The following PTPRD variants were observed in gnomAD, a reference collection of about 807,000 sequenced individuals.
PTPRD encodes the protein receptor-type tyrosine-protein phosphatase delta.
PTPRD carries 34 observed loss-of-function variants against 214.5 expected under a neutral mutation model. The observed-to-expected ratio is 0.16, with a 90% confidence interval of 0.12 to 0.21. The LOEUF is 0.21. Among genes scored for constraint, PTPRD ranks in the 10% least tolerant of loss-of-function variants. PTPRD has a pLI of 1.00. For missense variants in PTPRD, 2,545 were observed against 2,398.7 expected (o/e 1.06, Z -1.27); for synonymous variants, 1,128 against 845.7 (o/e 1.33, Z -5.79).
chr9:9,682,230 G>C (rs948191631), intron 7 of PTPRD, among the ~76,000 whole-genome samples: 3 of 151,706 alleles, frequency 2.0e-5, no homozygotes, highest in African/African-American at 7.3e-5. Context: ...AAAGAAGACA[G>C]GGACAGGAAT....
intron 5 of PTPRD, among the ~76,000 whole-genome samples, chr9:9,907,201 G>A (rs147998552): frequency 1.3e-5 from 2 of 151,598 alleles, no homozygotes; most frequent in African/African-American, 4.8e-5. Flanking sequence ...GTCTAATTAG[G>A]TCATGTGCAA....
chr9:10,545,441 C>T (rs887091922), intron 2 of PTPRD, among the ~76,000 whole-genome samples: 15 of 152,138 alleles, frequency 9.9e-5, no homozygotes, highest in African/African-American at 3.4e-4. Flanking sequence ...GGCCTTAATA[C>T]AATCTGGTTT....
chr9:9,245,540 G>A (rs1037869538), intron 9 of PTPRD, among the ~76,000 whole-genome samples: 34 of 151,556 alleles, frequency 2.2e-4, no homozygotes, highest in Non-Finnish European at 3.8e-4. Flanking sequence ...AACACTGCAT[G>A]TTCTCACTCA....
At chr9:10,483,324 A>C (rs2099112529) in intron 2 of PTPRD, among the ~76,000 whole-genome samples, 1 of 152,160 alleles carries the variant, frequency 6.6e-6, no homozygotes, top group African/African-American at 2.4e-5. Context: ...CTAACACCAT[A>C]AATTCTAAAT....
intron 32 of PTPRD, among the ~76,000 whole-genome samples, chr9:8,464,086 T>A (rs557184298): frequency 6.6e-6 from 1 of 152,036 alleles, no homozygotes; most frequent in East Asian, 1.9e-4. Flanking sequence ...AGACTCTTTA[T>A]CAGTTGTGAC....
chr9:9,260,848 A>G (rs1221392498), intron 9 of PTPRD, among the ~76,000 whole-genome samples: 1 of 151,900 alleles, frequency 6.6e-6, no homozygotes, highest in Admixed American at 6.6e-5. Flanking sequence ...CATGACAATC[A>G]TAAGTCTTTC....
chr9:8,319,766 C>T (rs1244733844), intron 45 of PTPRD, 65 bp downstream of exon 45: 2 of 1,592,574 alleles, frequency 1.3e-6, no homozygotes, highest in East Asian at 2.3e-5. Flanking sequence ...AGTATGGAGT[C>T]CGGGAGGTCC....
intron 14 of PTPRD, among the ~76,000 whole-genome samples, chr9:8,616,390 T>C (rs2154295621): frequency 6.6e-6 from 1 of 152,236 alleles, no homozygotes; most frequent in African/African-American, 2.4e-5. Context: ...TTGCACTAAA[T>C]ATTTAACACC....
chr9:9,926,060 G>A (rs148885763), intron 5 of PTPRD, among the ~76,000 whole-genome samples: 63 of 152,032 alleles, frequency 4.1e-4, no homozygotes, highest in Admixed American at 1.5e-3. Context: ...AGACTCCCAG[G>A]CTCAAGCGAT....
At chr9:9,891,232 G>A (rs1188169735) in intron 5 of PTPRD, among the ~76,000 whole-genome samples, 1 of 152,098 alleles carries the variant, frequency 6.6e-6, no homozygotes, top group Non-Finnish European at 1.5e-5. Flanking sequence ...TTTCCCAGTG[G>A]TATGGGGATG....
chr9:9,851,661 T>C (rs2060572647), intron 5 of PTPRD, among the ~76,000 whole-genome samples: 4 of 152,174 alleles, frequency 2.6e-5, no homozygotes, highest in Admixed American at 2.0e-4. Flanking sequence ...ACACCTATAG[T>C]CCCCATTATG....
rs148188841 is a variant in PTPRD, at chr9:9,940,408, G to A, written c.-471-1798C>T. On this transcript the variant is annotated intron_variant, in intron 4 of 45. Coordinates refer to ENST00000381196, the MANE Select transcript of PTPRD (RefSeq NM_002839.4). Reference sequence around the variant, plus strand: ...ATCAGGCTAGTTGCCAGGGGAATAGGATAGGAAAGAAAGAGTGAGTCTAAA... The same window carrying A: ...ATCAGGCTAGTTGCCAGGGGAATAGAATAGGAAAGAAAGAGTGAGTCTAAA... Among the ~76,000 whole-genome samples, 165 of 152,220 alleles carry A rather than the reference G, an allele frequency of 1.1e-3. 1 individual carries two copies. In the East Asian group the frequency reaches 0.027, roughly 25 times the overall value.
intron 11 of PTPRD, among the ~76,000 whole-genome samples, chr9:9,013,216 C>T (rs1246953710): frequency 1.3e-5 from 2 of 151,838 alleles, no homozygotes; most frequent in Non-Finnish European, 2.9e-5. Flanking sequence ...AATGACTGAA[C>T]TCCGATGAAG....
chr9:9,929,566 A>C (rs1040422474), intron 5 of PTPRD, among the ~76,000 whole-genome samples: 1 of 151,980 alleles, frequency 6.6e-6, no homozygotes, highest in African/African-American at 2.4e-5. Flanking sequence ...GCTAACTTTT[A>C]TATTTTTAGT....
intron 3 of PTPRD, among the ~76,000 whole-genome samples, chr9:10,254,921 G>A (rs1365470673): frequency 6.6e-6 from 1 of 152,142 alleles, no homozygotes; most frequent in Non-Finnish European, 1.5e-5. Flanking sequence ...TGACTTTTAA[G>A]AAATCCAAAT....
intron 4 of PTPRD, among the ~76,000 whole-genome samples, chr9:10,001,395 A>G (rs764459876): frequency 6.6e-6 from 1 of 152,198 alleles, no homozygotes; most frequent in African/African-American, 2.4e-5. Context: ...TAAGAAGACA[A>G]TCTGTATATC....
chr9:9,669,129 T>A (rs1379658633), intron 7 of PTPRD, among the ~76,000 whole-genome samples: 2 of 152,198 alleles, frequency 1.3e-5, no homozygotes, highest in African/African-American at 4.8e-5. Context: ...TTAGGGTACA[T>A]GTGCATCCCA....
intron 3 of PTPRD, among the ~76,000 whole-genome samples, chr9:10,227,368 T>C (rs1167073046): frequency 6.6e-6 from 1 of 152,012 alleles, no homozygotes; most frequent in Admixed American, 6.6e-5. Flanking sequence ...ATTACAAAAA[T>C]ACACAAATCA....
intron 9 of PTPRD, among the ~76,000 whole-genome samples, chr9:9,209,946 C>G (rs940403104): frequency 6.6e-6 from 1 of 152,124 alleles, no homozygotes; most frequent in African/African-American, 2.4e-5. Flanking sequence ...TCCTCCTAAA[C>G]TCAGATCCCA....
Sources: gnomAD v4.1 joint callset for allele counts (sites outside exome capture counted in the v4.1 genomes callset) on GRCh38, gnomAD v4.1.1 for gene constraint, MANE v1.5 for transcripts, NCBI Gene and HGNC (gene_info 2026-07-23, HGNC 2026-07-21) for gene names.